The following GRM5 variants were observed in gnomAD, a reference collection of about 807,000 sequenced individuals.
GRM5 encodes the protein metabotropic glutamate receptor 5.
A neutral mutation model predicts 83.1 loss-of-function variants in GRM5; 19 were observed. The ratio of observed to expected loss-of-function variants is 0.23; its 90% CI spans 0.16 to 0.34. The LOEUF (loss-of-function observed/expected upper bound fraction) is 0.34, where lower values mean the gene tolerates loss of function less well. Ranked by LOEUF, GRM5 falls within the 10% of genes least tolerant of loss-of-function variation. The probability of loss-of-function intolerance (pLI) is 1.00; values close to 1 mark genes in which losing one functional copy is unlikely to be tolerated. For synonymous variants in GRM5, 675 were observed against 633.6 expected (o/e 1.07, Z -0.98); for missense variants, 1,160 against 1,588.3 (o/e 0.73, Z 4.58).
At chr11:88,799,461 GGTAT>G (rs1229935993) in intron 3 of GRM5, among the ~76,000 whole-genome samples, 1 of 152,032 alleles carries the variant, frequency 6.6e-6, no homozygotes, top group Non-Finnish European at 1.5e-5. Context: ...TTTTGATATA[GGTAT>G]GTGAGTGCAT....
chr11:88,509,328 C>T lies in GRM5; in HGVS notation c.2903G>A (p.Gly968Asp). Reference protein sequence around the residue: ...SRGLGAGAGAGGSAGGVGATG... With the variant: ...SRGLGAGAGADGSAGGVGATG... ...GGCCCCCACGCCCCCAGCGCTCCCG[C>T]CTGCGCCAGCGCCAGCGCCCAGGCC... The change falls in exon 10 of 10, where the codon GGC becomes GAC. Residue 968 changes from glycine (G) to aspartate (D), a missense_variant. Gly to Asp is a moderately conservative substitution (Grantham distance 94). Transcript: ENST00000305447. The T allele has an allele frequency of 6.3e-7, 1 of 1,599,912 alleles. No individual in the cohort carries two copies. The highest frequency in any genetic ancestry group is 8.5e-7 in the Non-Finnish European group (1 of 1,174,698).
intron 2 of GRM5, among the ~76,000 whole-genome samples, chr11:88,962,022 T>G (rs1175998495): frequency 6.6e-6 from 1 of 152,238 alleles, no homozygotes; most frequent in Admixed American, 6.5e-5. Flanking sequence ...GCATTTATTA[T>G]AATATGAATT....
intron 4 of GRM5, among the ~76,000 whole-genome samples, chr11:88,640,265 C>A (rs1399855460): frequency 4.6e-5 from 7 of 152,128 alleles, no homozygotes; most frequent in Non-Finnish European, 1.5e-5. Flanking sequence ...ATCATGTGAT[C>A]AAAATTTTTC....
At chr11:89,049,271 A>G (rs1941707720) in intron 1 of GRM5, among the ~76,000 whole-genome samples, 1 of 152,192 alleles carries the variant, frequency 6.6e-6, no homozygotes, top group African/African-American at 2.4e-5. Context: ...CATCTATTTC[A>G]ATTTAAATTC....
chr11:88,676,964 TCTC>T (rs1205134668), intron 3 of GRM5, among the ~76,000 whole-genome samples: 1 of 152,028 alleles, frequency 6.6e-6, no homozygotes, highest in Non-Finnish European at 1.5e-5. Context: ...AAAAATATAA[TCTC>T]TTCTGATTAC....
intron 3 of GRM5, among the ~76,000 whole-genome samples, chr11:88,680,855 AG>A (rs1169517885): frequency 6.6e-6 from 1 of 152,186 alleles, no homozygotes; most frequent in Non-Finnish European, 1.5e-5. Flanking sequence ...GAATTACATA[AG>A]GAATATGGAG....
chr11:88,931,966 A>G (rs1937721348), intron 2 of GRM5, among the ~76,000 whole-genome samples: 1 of 152,148 alleles, frequency 6.6e-6, no homozygotes, highest in African/African-American at 2.4e-5. Context: ...GAGAAAGAGT[A>G]GCAATTGAGT....
At chr11:89,064,456 T>C (rs1016919681) in intron 1 of GRM5, among the ~76,000 whole-genome samples, 1 of 152,190 alleles carries the variant, frequency 6.6e-6, no homozygotes, top group African/African-American at 2.4e-5. Flanking sequence ...CCTCTCAGCA[T>C]GCATTATCCC....
At chr11:89,003,429 G>T (rs141301366) in intron 2 of GRM5, among the ~76,000 whole-genome samples, 3,613 of 152,154 alleles carry the variant, frequency 0.024, 136 homozygotes, top group African/African-American at 0.083. Context: ...GGTGAGGGGG[G>T]AAGATAAATA....
chr11:88,692,233 T>C (rs1176179387), intron 3 of GRM5, among the ~76,000 whole-genome samples: 1 of 152,200 alleles, frequency 6.6e-6, no homozygotes, highest in Non-Finnish European at 1.5e-5. Context: ...TACTAATTCA[T>C]TTTCTGATCT....
intron 3 of GRM5, among the ~76,000 whole-genome samples, chr11:88,784,522 C>G (rs1433955085): frequency 6.6e-6 from 1 of 151,760 alleles, no homozygotes; most frequent in Non-Finnish European, 1.5e-5. Context: ...TAAAATAAGG[C>G]TCACAAGGCT....
chr11:88,551,646 T>C (rs1257392835), intron 8 of GRM5, among the ~76,000 whole-genome samples: 1 of 152,160 alleles, frequency 6.6e-6, no homozygotes, highest in African/African-American at 2.4e-5. Context: ...ACCTCAACAG[T>C]TGAATTCAAA....
At position 88,782,549 on chromosome 11, in the gene GRM5, A is replaced by G. The variant is rs139839961; in HGVS notation, c.911+67357T>C. 3.4e-3 allele frequency among the ~76,000 whole-genome samples: 525 copies of G among 152,244 alleles called. 2 individuals are homozygous for G. The highest frequency in any genetic ancestry group is 0.012 in the African/African-American group (501 of 41,556). On this transcript the variant is annotated intron_variant, in intron 3 of 9. Transcript: ENST00000305447. The stretch of plus-strand genomic sequence containing the variant: ...AATTCATGATGAGATTTGGGTGGGG[A>G]CACAGTCAAACCATATCAATGGGTA...
At chr11:88,545,424 A>G (rs182200934) in intron 8 of GRM5, among the ~76,000 whole-genome samples, 2 of 152,156 alleles carry the variant, frequency 1.3e-5, no homozygotes, top group African/African-American at 4.8e-5. Context: ...ATTATTTCTA[A>G]TTTAGTCCTA....
intron 3 of GRM5, among the ~76,000 whole-genome samples, chr11:88,716,832 C>T (rs547582103): frequency 6.6e-6 from 1 of 152,034 alleles, no homozygotes; most frequent in East Asian, 1.9e-4. Context: ...TTAACTGTCA[C>T]TTAGAAAAAT....
At chr11:88,903,921 G>A (rs1335980672) in intron 2 of GRM5, among the ~76,000 whole-genome samples, 4 of 152,120 alleles carry the variant, frequency 2.6e-5, no homozygotes, top group Non-Finnish European at 4.4e-5. Flanking sequence ...AGATTTTTAG[G>A]GATTGTTGGC....
chr11:88,561,083 C>A (rs555861493), intron 8 of GRM5, among the ~76,000 whole-genome samples: 1 of 152,200 alleles, frequency 6.6e-6, no homozygotes, highest in South Asian at 2.1e-4. Context: ...ATAGCATGAA[C>A]ATCACTTCAT....
At chr11:88,910,912 G>A (rs1213291895) in intron 2 of GRM5, among the ~76,000 whole-genome samples, 1 of 151,822 alleles carries the variant, frequency 6.6e-6, no homozygotes, top group African/African-American at 2.4e-5. Flanking sequence ...TTTTAAAATT[G>A]CTGGTCTCTA....
chr11:88,871,306 C>G (rs1455224791), intron 2 of GRM5, among the ~76,000 whole-genome samples: 1 of 151,518 alleles, frequency 6.6e-6, no homozygotes, highest in African/African-American at 2.4e-5. Context: ...AAAATCAGTT[C>G]TAATATCAAA....
Sources: allele counts gnomAD v4.1 joint callset (sites outside exome capture counted in the v4.1 genomes callset), GRCh38; gene constraint gnomAD v4.1.1; transcripts MANE v1.5; gene names NCBI Gene and HGNC (gene_info 2026-07-23, HGNC 2026-07-21).